Variants in NUP107 observed in about 807,000 individuals in gnomAD.
NUP107 encodes nuclear pore complex protein Nup107.
Under a neutral mutation model 141.0 loss-of-function variants are expected in NUP107, and 101 were observed. The ratio of observed to expected loss-of-function variants is 0.72; its 90% CI spans 0.61 to 0.84. NUP107 has a LOEUF of 0.84. Ranked by LOEUF, NUP107 falls within the 40% of genes least tolerant of loss-of-function variation. The pLI is 0.00. For missense variants in NUP107, 941 were observed against 1,102.7 expected (o/e 0.85, Z 2.08); for synonymous variants, 319 against 363.9 (o/e 0.88, Z 1.41).
chr12:68,692,124 T>C lies in NUP107; in HGVS notation c.448+12T>C. 3 of 1,567,524 alleles carry C rather than the reference T, an allele frequency of 1.9e-6. No homozygotes were observed. Among genetic ancestry groups the C allele is most frequent in the South Asian group, 1.2e-5 (1 of 83,762 alleles). ...TCCTGGAGAAGCTGGTAAAATGGCA[T>C]TGAGCTTTGTGACAAGTAGCTTTTC... On this transcript the variant is annotated intron_variant, in intron 5 of 27. Transcript: ENST00000229179.
chr12:68,727,207 G>T, intron 19 of NUP107, 144 bp from the exon 20 acceptor site: 1 of 450,382 alleles, frequency 2.2e-6, no homozygotes, highest in South Asian at 4.9e-5. Context: ...ATGAACTTTG[G>T]TAAGCACTTA....
rs1304801302 is a variant in NUP107 at position 68,716,237 on chromosome 12, C to CTTT, written c.1083+498_1083+500dup. Among the ~76,000 whole-genome samples the CTTT allele has an allele frequency of 2.4e-4, 28 of 115,506 alleles. 2 individuals carry two copies. The highest frequency in any genetic ancestry group is 4.9e-4 in the African/African-American group (16 of 32,472). The allele number at this position is 115,506 out of a possible 152,430, so 75.8% of individuals were successfully genotyped here. A position where few individuals can be genotyped will look rare whatever the true frequency, so the allele number is the denominator to read the frequency against. On this transcript the variant is annotated intron_variant, in intron 12 of 27. Transcript: ENST00000229179. Reference sequence around the variant, plus strand: ...TTCCTTTTTCTTTCTTTCTTTCTTTCTTTCTTTCTTTTTTTTTTTGAGATG... The same window carrying CTTT: ...TTCCTTTTTCTTTCTTTCTTTCTTTCTTTTTTCTTTCTTTTTTTTTTTGAGATG...
intron 12 of NUP107, among the ~76,000 whole-genome samples, chr12:68,716,347 C>T (rs1479164243): frequency 6.6e-6 from 1 of 151,438 alleles, no homozygotes; most frequent in Non-Finnish European, 1.5e-5. Flanking sequence ...AGCCCTGCCT[C>T]AGCCTCCTGA....
At chr12:68,734,188 G>A (rs149696418) in intron 24 of NUP107, among the ~76,000 whole-genome samples, 388 of 152,184 alleles carry the variant, frequency 2.5e-3, no homozygotes, top group African/African-American at 8.9e-3. Context: ...GAGGTGGGAG[G>A]ATCGCATGAG....
chr12:68,716,627 G>A (rs1037275070), intron 12 of NUP107, among the ~76,000 whole-genome samples: 8 of 152,106 alleles, frequency 5.3e-5, no homozygotes, highest in African/African-American at 1.9e-4. Flanking sequence ...GGCTACAATG[G>A]CCCTCAAACT....
chr12:68,696,856 T>C lies in NUP107; in HGVS notation c.486T>C (p.Phe162=), dbSNP rs146894632. The change falls in exon 6 of 28, where the codon TTT becomes TTC. Residue 162 remains phenylalanine (F), a synonymous_variant. Coordinates refer to ENST00000229179, the MANE Select transcript of NUP107 (RefSeq NM_020401.4). ...TGTTTTCTGATTTCCTGCAGTCTTT[T>C]CTGAAGCACTCTTCGAGTACAGTTT... ...MSMFSDFLQS[F]LKHSSSTVFD... 9.3e-6 allele frequency: 15 copies of C among 1,609,704 alleles called. No homozygotes were observed. The highest frequency in any genetic ancestry group is 1.3e-5 in the Non-Finnish European group (15 of 1,178,460).
chr12:68,715,224 A>C (rs1213179181), intron 11 of NUP107, among the ~76,000 whole-genome samples: 1 of 152,212 alleles, frequency 6.6e-6, no homozygotes, highest in Non-Finnish European at 1.5e-5. Context: ...AGCCAGGCGC[A>C]GTGGTTCACG....
Position 68,696,872 on chromosome 12 carries a change from A to T in NUP107, c.502A>T (p.Ser168Cys). 3 of 1,610,176 alleles carry T rather than the reference A, an allele frequency of 1.9e-6. No homozygotes were observed. The highest frequency in any genetic ancestry group is 2.5e-6 in the Non-Finnish European group (3 of 1,178,650). ...FLQSFLKHSS[S>C]TVFDLVEEYE... ...GCAGTCTTTTCTGAAGCACTCTTCGAGTACAGTTTTTGATCTTGTGGAAGA... is the reference window on the plus strand; with the variant it reads ...GCAGTCTTTTCTGAAGCACTCTTCGTGTACAGTTTTTGATCTTGTGGAAGA... The change falls in exon 6 of 28, where the codon AGT becomes TGT. Residue 168 changes from serine (S) to cysteine (C), a missense_variant. Ser to Cys is a moderately radical substitution (Grantham distance 112). Coordinates refer to ENST00000229179, the MANE Select transcript of NUP107 (RefSeq NM_020401.4).
chr12:68,694,276 C>T (rs1255276944), intron 5 of NUP107, among the ~76,000 whole-genome samples: 1 of 152,206 alleles, frequency 6.6e-6, no homozygotes, highest in African/African-American at 2.4e-5. Context: ...ACTTTCTCCA[C>T]TACTTTGTAA....
chr12:68,732,870 A>G, intron 23 of NUP107, 131 bp downstream of exon 23: 1 of 517,626 alleles, frequency 1.9e-6, no homozygotes, highest in Non-Finnish European at 3.4e-6. Flanking sequence ...TTTTCTAGAG[A>G]TGGGGTCTCA....
At chr12:68,706,728 G>T (rs150979358) in intron 8 of NUP107, 22 of 755,474 alleles carry the variant, frequency 2.9e-5, no homozygotes, top group African/African-American at 2.1e-4. Flanking sequence ...GACATGGCAC[G>T]GCAGCTGCGG....
At chr12:68,692,195 CATT>C in intron 5 of NUP107, 83 bp downstream of exon 5, 1 of 1,313,590 alleles carries the variant, frequency 7.6e-7, no homozygotes, top group Non-Finnish European at 1.0e-6. Flanking sequence ...TTCTGAACGT[CATT>C]ATGTTTTTCT....
At chr12:68,713,266 T>A (rs1876947237) in intron 10 of NUP107, among the ~76,000 whole-genome samples, 1 of 151,302 alleles carries the variant, frequency 6.6e-6, no homozygotes, top group Non-Finnish European at 1.5e-5. Flanking sequence ...TCCCAGCTAC[T>A]CAGGAGACTG....
At chr12:68,725,625 T>C (rs1877525527) in intron 17 of NUP107, 102 bp from the exon 18 acceptor site, 1 of 652,350 alleles carries the variant, frequency 1.5e-6, no homozygotes, top group East Asian at 2.9e-5. Context: ...TTTTTCTTTC[T>C]ATATGTTCCT....
At position 68,699,098 on chromosome 12, in the gene NUP107, C is replaced by T. The variant is rs545298123; in HGVS notation, c.553-1628C>T. ...TGGGAATTTAAAGCTAGGCCAGGCA[C>T]AGTGGCTCATACCTGTAATCTCAGC... On this transcript the variant is annotated intron_variant, in intron 6 of 27. Coordinates refer to ENST00000229179, the MANE Select transcript of NUP107 (RefSeq NM_020401.4). 3.3e-5 allele frequency among the ~76,000 whole-genome samples: 5 copies of T among 152,224 alleles called. No homozygotes were observed. The South Asian group carries it at 1.0e-3, about 32-fold the overall frequency.
rs1429072221 is a variant in NUP107 at position 68,735,314 on chromosome 12, T to G, written c.2472T>G (p.Val824=). ...AAATGTATAACGTCTTGTTGTTTGT[T>G]GATGGAGGGTGGATGGTGGATGTTA... is the stretch of plus-strand genomic sequence containing the variant. The part of the protein sequence containing the change: ...KEKMYNVLLF[V]DGGWMVDVRE... Residue 824 remains valine (V), a synonymous_variant, in exon 26 of 28, where the codon GTT becomes GTG. Coordinates refer to ENST00000229179, the MANE Select transcript of NUP107 (RefSeq NM_020401.4). 1 of 1,613,902 alleles carries G rather than the reference T, an allele frequency of 6.2e-7. No individual in the cohort carries two copies. The highest frequency in any genetic ancestry group is 1.3e-5 in the African/African-American group (1 of 74,910).
chr12:68,702,645 A>G, intron 7 of NUP107, 91 bp from the exon 8 acceptor site: 1 of 833,914 alleles, frequency 1.2e-6, no homozygotes, highest in African/African-American at 1.8e-5. Flanking sequence ...AAAAGAAGTT[A>G]GCCAAATTTT....
intron 8 of NUP107, among the ~76,000 whole-genome samples, chr12:68,704,126 G>A (rs1194198178): frequency 6.6e-6 from 1 of 152,162 alleles, no homozygotes; most frequent in Non-Finnish European, 1.5e-5. Context: ...ATATATATGT[G>A]TGTGAGAGAA....
At chr12:68,723,807 T>A (rs774362730) in intron 17 of NUP107, among the ~76,000 whole-genome samples, 6 of 152,216 alleles carry the variant, frequency 3.9e-5, no homozygotes, top group Non-Finnish European at 5.9e-5. Context: ...GCTGAGCATG[T>A]TTCCTTATGT....
Sources: gnomAD v4.1 joint callset for allele counts (sites outside exome capture counted in the v4.1 genomes callset) on GRCh38, gnomAD v4.1.1 for gene constraint, MANE v1.5 for transcripts, NCBI Gene and HGNC (gene_info 2026-07-23, HGNC 2026-07-21) for gene names.